The following TENM3 variants were observed in gnomAD, a reference collection of about 807,000 sequenced individuals.
TENM3 encodes the protein teneurin transmembrane protein 3.
TENM3 carries 63 observed loss-of-function variants against 255.1 expected under a neutral mutation model. The ratio of observed to expected loss-of-function variants is 0.25; its 90% CI spans 0.20 to 0.30. The LOEUF is 0.30. Ranked by LOEUF, TENM3 falls within the 10% of genes least tolerant of loss-of-function variation. The pLI is 1.00. For synonymous variants in TENM3, 1,306 were observed against 1,322.3 expected (o/e 0.99, Z 0.27); for missense variants, 2,929 against 3,461.1 (o/e 0.85, Z 3.86).
the TENM3 span, among the ~76,000 whole-genome samples, chr4:181,863,007 AC>A: frequency 6.6e-6 from 1 of 152,184 alleles, no homozygotes; most frequent in Non-Finnish European, 1.5e-5. Context: ...TTTCACAAAT[AC>A]GCATGAAAAA....
chr4:181,747,049 A>C, the TENM3 span, among the ~76,000 whole-genome samples: 6 of 152,200 alleles, frequency 3.9e-5, no homozygotes. Flanking sequence ...CAGAGGGTCA[A>C]GGGCAAGTGC....
At chr4:181,485,436 C>T in the TENM3 span, among the ~76,000 whole-genome samples, 1 of 151,816 alleles carries the variant, frequency 6.6e-6, no homozygotes, top group African/African-American at 2.4e-5. Flanking sequence ...TTATTCATCA[C>T]TTGTCTAATT....
chr4:182,226,464 C>T (rs953512100), intron 1 of TENM3, among the ~76,000 whole-genome samples: 5 of 152,068 alleles, frequency 3.3e-5, no homozygotes, highest in African/African-American at 4.8e-5. Context: ...TGGTTCATCA[C>T]GAATAAAGAT....
At chr4:182,613,965 A>C (rs1409354237) in intron 4 of TENM3, among the ~76,000 whole-genome samples, 3 of 152,202 alleles carry the variant, frequency 2.0e-5, no homozygotes, top group Non-Finnish European at 4.4e-5. Flanking sequence ...TTTTCCAAAG[A>C]TAATAGCACA....
chr4:182,713,966 C>G (rs1249009408), intron 12 of TENM3, 121 bp from the exon 13 acceptor site: 2 of 727,502 alleles, frequency 2.7e-6, no homozygotes, highest in African/African-American at 1.8e-5. Context: ...TATCCATGTG[C>G]AATTACAGTA....
chr4:181,507,746 C>G, the TENM3 span, among the ~76,000 whole-genome samples: 1 of 152,200 alleles, frequency 6.6e-6, no homozygotes. Flanking sequence ...ATTGTTTTAT[C>G]AACAATCAGT....
chr4:182,591,314 C>G (rs1746625188), intron 3 of TENM3, among the ~76,000 whole-genome samples: 2 of 152,264 alleles, frequency 1.3e-5, no homozygotes, highest in South Asian at 4.1e-4. Flanking sequence ...ATCCTCAAAG[C>G]ATGACCCTAA....
intron 2 of TENM3, among the ~76,000 whole-genome samples, chr4:182,325,452 C>T (rs969388129): frequency 6.6e-6 from 1 of 152,186 alleles, no homozygotes; most frequent in Non-Finnish European, 1.5e-5. Flanking sequence ...TTACTAATTA[C>T]TGGTATCAAA....
chr4:181,457,668 T>C, the TENM3 span, among the ~76,000 whole-genome samples: 1 of 151,860 alleles, frequency 6.6e-6, no homozygotes, highest in Non-Finnish European at 1.5e-5. Flanking sequence ...ATAGTCTATA[T>C]GTGACACAAG....
chr4:182,512,157 G>A (rs1451447756), intron 3 of TENM3, among the ~76,000 whole-genome samples: 3 of 152,122 alleles, frequency 2.0e-5, no homozygotes, highest in African/African-American at 7.2e-5. Context: ...CCTTGATAAG[G>A]CTACATTTCC....
chr4:182,708,520 C>A (rs568606461), intron 12 of TENM3, among the ~76,000 whole-genome samples: 1 of 152,276 alleles, frequency 6.6e-6, no homozygotes, highest in African/African-American at 2.4e-5. Flanking sequence ...TGAGACCTGG[C>A]GGGGCGTGGT....
chr4:182,407,860 T>G (rs1769691742), intron 3 of TENM3, among the ~76,000 whole-genome samples: 1 of 152,222 alleles, frequency 6.6e-6, no homozygotes, highest in South Asian at 2.1e-4. Flanking sequence ...TTCCTTCTAT[T>G]TTTGTCAAAA....
intron 4 of TENM3, among the ~76,000 whole-genome samples, chr4:182,607,938 TA>T (rs1161582538): frequency 7.2e-5 from 11 of 152,218 alleles, no homozygotes; most frequent in Non-Finnish European, 1.5e-4. Context: ...GTGAACAGTG[TA>T]AAAGGTAATC....
At chr4:182,341,023 A>C (rs1173912996) in intron 2 of TENM3, among the ~76,000 whole-genome samples, 1 of 152,244 alleles carries the variant, frequency 6.6e-6, no homozygotes, top group African/African-American at 2.4e-5. Context: ...TATATGATGA[A>C]GAAAAAGGGA....
the TENM3 span, among the ~76,000 whole-genome samples, chr4:181,540,492 A>G: frequency 6.6e-6 from 1 of 152,146 alleles, no homozygotes; most frequent in African/African-American, 2.4e-5. Context: ...AGAGAAAAAG[A>G]GCAACTCTGC....
At chr4:181,491,657 T>C in the TENM3 span, among the ~76,000 whole-genome samples, 16 of 152,248 alleles carry the variant, frequency 1.1e-4, 1 homozygote, top group Admixed American at 3.9e-4. Flanking sequence ...TTAATCACTT[T>C]TGAATGATGT....
intron 16 of TENM3, among the ~76,000 whole-genome samples, chr4:182,735,812 C>T (rs1229915407): frequency 6.6e-6 from 1 of 152,040 alleles, no homozygotes; most frequent in African/African-American, 2.4e-5. Flanking sequence ...TGTATGCTGC[C>T]TAAAATACAT....
At chr4:182,038,520 T>C in the TENM3 span, among the ~76,000 whole-genome samples, 6 of 152,166 alleles carry the variant, frequency 3.9e-5, no homozygotes, top group African/African-American at 1.4e-4. Context: ...AGCTGTTCTG[T>C]GGCAGAGTTA....
chr4:182,718,217 A>G (rs1056236390), intron 13 of TENM3, among the ~76,000 whole-genome samples: 1 of 152,182 alleles, frequency 6.6e-6, no homozygotes, highest in African/African-American at 2.4e-5. Context: ...AAAAATTCAG[A>G]TAGAGTTGCA....
Sources: gnomAD v4.1 joint callset for allele counts (sites outside exome capture counted in the v4.1 genomes callset) on GRCh38, gnomAD v4.1.1 for gene constraint, MANE v1.5 for transcripts, NCBI Gene and HGNC (gene_info 2026-07-23, HGNC 2026-07-21) for gene names.